IL1RAPL1: variants seen among roughly 807,000 people sequenced by gnomAD.
The protein encoded by IL1RAPL1 is interleukin-1 receptor accessory protein-like 1.
In IL1RAPL1, 3 loss-of-function variants were observed where a neutral mutation model predicts 48.4. The ratio of observed to expected loss-of-function variants is 0.06; its 90% CI spans 0.03 to 0.16. IL1RAPL1 has a LOEUF of 0.16. Among genes scored for constraint, IL1RAPL1 ranks in the 10% least tolerant of loss-of-function variants. The pLI is 1.00. For missense variants in IL1RAPL1, 349 were observed against 530.6 expected, an observed-to-expected ratio of 0.66 and a Z score of 3.36; for synonymous variants, 185 against 187.7, an observed-to-expected ratio of 0.99 and a Z score of 0.12.
chrX:29,265,278 A>C (rs1221416437), intron 2 of IL1RAPL1, among the ~76,000 whole-genome samples: 1 of 109,722 alleles, frequency 9.1e-6, no homozygotes, highest in African/African-American at 3.3e-5. Context: ...AATATGAATT[A>C]TGAATATTAT....
chrX:29,143,094 C>A (rs1354805260), intron 2 of IL1RAPL1, among the ~76,000 whole-genome samples: 1 of 111,263 alleles, frequency 9.0e-6, no homozygotes, highest in Non-Finnish European at 1.9e-5. Flanking sequence ...TTATTTAAAC[C>A]TCCCATGGAG....
At chrX:29,886,241 C>G (rs1932163826) in intron 6 of IL1RAPL1, among the ~76,000 whole-genome samples, 1 of 112,480 alleles carries the variant, frequency 8.9e-6, no homozygotes, top group Non-Finnish European at 1.9e-5. Flanking sequence ...TTACATTTTT[C>G]TCCAAATCTT....
At chrX:29,365,018 G>C (rs1336538213) in intron 3 of IL1RAPL1, among the ~76,000 whole-genome samples, 3 of 111,609 alleles carry the variant, frequency 2.7e-5, no homozygotes, top group African/African-American at 9.8e-5. Context: ...AAAATAAAAA[G>C]GACTGAAAAA....
chrX:29,142,428 G>T (rs1929262354), intron 2 of IL1RAPL1, among the ~76,000 whole-genome samples: 1 of 111,817 alleles, frequency 8.9e-6, no homozygotes. Context: ...GTTTGGAGGA[G>T]ACTAAGAAGA....
Position 29,367,425 on chromosome X carries a change from A to G in IL1RAPL1, c.363-28833A>G, listed in dbSNP as rs1003670774. ...TGTCTGGCAAATATTATTAAGAGTC[A>G]TATATCCAAATCATCCCACAATTAC... On this transcript the variant is annotated intron_variant, in intron 3 of 10. Transcript: ENST00000378993. Among the ~76,000 whole-genome samples, 4 of 111,599 alleles carry G rather than the reference A, an allele frequency of 3.6e-5. No individual in the cohort carries two copies. The Admixed American group carries it at 3.8e-4, about 11-fold the overall frequency.
chrX:28,969,152 G>C (rs971815203), intron 2 of IL1RAPL1, among the ~76,000 whole-genome samples: 34 of 112,010 alleles, frequency 3.0e-4, no homozygotes, highest in African/African-American at 1.1e-3. Flanking sequence ...CTTTAAACCA[G>C]ATCTTGTTGG....
chrX:28,978,797 G>T (rs1273372341), intron 2 of IL1RAPL1, among the ~76,000 whole-genome samples: 1 of 111,904 alleles, frequency 8.9e-6, no homozygotes, highest in Non-Finnish European at 1.9e-5. Flanking sequence ...AGGGAGCAGA[G>T]CAATTTAAAG....
chrX:29,078,926 A>G (rs1258497117), intron 2 of IL1RAPL1, among the ~76,000 whole-genome samples: 1 of 112,096 alleles, frequency 8.9e-6, no homozygotes, highest in African/African-American at 3.2e-5. Flanking sequence ...TTTCCATAAA[A>G]ATGAGGTAAA....
intron 2 of IL1RAPL1, among the ~76,000 whole-genome samples, chrX:29,151,039 G>A (rs1366788563): frequency 9.0e-6 from 1 of 111,135 alleles, no homozygotes; most frequent in Non-Finnish European, 1.9e-5. Flanking sequence ...GGATTTCCTG[G>A]CTCCAAAGCC....
intron 9 of IL1RAPL1, among the ~76,000 whole-genome samples, chrX:29,949,939 C>T (rs758298452): frequency 2.0e-4 from 22 of 111,998 alleles, no homozygotes; most frequent in Middle Eastern, 4.6e-3. Context: ...ACTCTGCTTC[C>T]GGTCTGACAA....
intron 1 of IL1RAPL1, among the ~76,000 whole-genome samples, chrX:28,763,630 T>C (rs1439496950): frequency 1.8e-5 from 2 of 111,566 alleles, no homozygotes; most frequent in Non-Finnish European, 3.8e-5. Context: ...CGTACTTACC[T>C]CAGAATCAAT....
chrX:29,206,180 T>C (rs893551824), intron 2 of IL1RAPL1, among the ~76,000 whole-genome samples: 1 of 112,194 alleles, frequency 8.9e-6, no homozygotes, highest in South Asian at 3.6e-4. Context: ...ATTTGAATTT[T>C]CTTCTGTCAT....
chrX:28,628,588 A>G (rs868482783), intron 1 of IL1RAPL1, among the ~76,000 whole-genome samples: 6 of 112,354 alleles, frequency 5.3e-5, no homozygotes, highest in Admixed American at 1.9e-4. Context: ...CCTTAAGCAG[A>G]TGAGCTTTAA....
intron 2 of IL1RAPL1, among the ~76,000 whole-genome samples, chrX:28,866,551 C>T (rs1922081019): frequency 9.0e-6 from 1 of 110,901 alleles, no homozygotes; most frequent in Non-Finnish European, 1.9e-5. Context: ...AAATAAATAG[C>T]AAATTATTTG....
intron 6 of IL1RAPL1, among the ~76,000 whole-genome samples, chrX:29,825,662 G>C (rs1308378956): frequency 1.8e-5 from 2 of 111,949 alleles, no homozygotes; most frequent in Non-Finnish European, 3.8e-5. Context: ...TTTAGGCTTT[G>C]TGGACCATGT....
At chrX:28,683,357 C>CTT (rs72388021) in intron 1 of IL1RAPL1, among the ~76,000 whole-genome samples, 1 of 106,122 alleles carries the variant, frequency 9.4e-6, no homozygotes, top group Non-Finnish European at 1.9e-5. Context: ...GGAAATATCT[C>CTT]TTTTTTTTTT....
intron 6 of IL1RAPL1, among the ~76,000 whole-genome samples, chrX:29,816,940 GCT>G (rs902280573): frequency 9.2e-6 from 1 of 108,512 alleles, no homozygotes; most frequent in African/African-American, 3.4e-5. Flanking sequence ...GTGCTTTTTA[GCT>G]CTCTCTGTTA....
chrX:29,161,009 G>A (rs1929673062), intron 2 of IL1RAPL1, among the ~76,000 whole-genome samples: 1 of 109,664 alleles, frequency 9.1e-6, no homozygotes, highest in Non-Finnish European at 1.9e-5. Flanking sequence ...AGTGAGCAGA[G>A]AAGATTGTAC....
At chrX:29,606,563 C>T (rs754528451) in intron 5 of IL1RAPL1, among the ~76,000 whole-genome samples, 2 of 111,959 alleles carry the variant, frequency 1.8e-5, no homozygotes, top group Non-Finnish European at 3.8e-5. Flanking sequence ...ACTTCAAATT[C>T]GCACATTATT....
Sources: gnomAD v4.1 joint callset for allele counts (sites outside exome capture counted in the v4.1 genomes callset) on GRCh38, gnomAD v4.1.1 for gene constraint, MANE v1.5 for transcripts, NCBI Gene and HGNC (gene_info 2026-07-23, HGNC 2026-07-21) for gene names.